Variants in AMPH observed in about 807,000 individuals in gnomAD.
AMPH encodes the protein amphiphysin, also known as amphiphysin (Stiff-Mann syndrome with breast cancer 128kD autoantigen).
In AMPH, 49 loss-of-function variants were observed where a neutral mutation model predicts 99.1. The ratio of observed to expected loss-of-function variants is 0.49; its 90% CI spans 0.39 to 0.63. AMPH has a LOEUF of 0.63. Among genes scored for constraint, AMPH ranks in the 20% least tolerant of loss-of-function variants. AMPH has a pLI of 0.00. For synonymous variants in AMPH, 314 were observed against 317.3 expected (o/e 0.99, Z 0.11); for missense variants, 759 against 863.4 (o/e 0.88, Z 1.52).
chr7:38,606,017 A>G (rs751458683), intron 1 of AMPH, among the ~76,000 whole-genome samples: 2 of 152,092 alleles, frequency 1.3e-5, no homozygotes, highest in African/African-American at 2.4e-5. Flanking sequence ...GTGTCCTTAC[A>G]TTACAAATCA....
At chr7:38,526,991 T>A (rs1790214258) in intron 2 of AMPH, among the ~76,000 whole-genome samples, 1 of 152,256 alleles carries the variant, frequency 6.6e-6, no homozygotes, top group South Asian at 2.1e-4. Flanking sequence ...GGATGCCCAG[T>A]TACTATGGCA....
At chr7:38,560,115 A>C (rs577004394) in intron 1 of AMPH, among the ~76,000 whole-genome samples, 3 of 152,320 alleles carry the variant, frequency 2.0e-5, no homozygotes, top group African/African-American at 7.2e-5. Context: ...GGTGAAGGCT[A>C]TCTCTCCACC....
chr7:38,465,478 T>G lies in AMPH; in HGVS notation c.738A>C (p.Gln246His). ...GAGCAGGGGCCTACCTGGGCGCTCC[T>G]TGGATGGTGAAGGCCTTGTCGGCGT... The part of the protein sequence containing the change: ...DQHADKAFTI[Q>H]GAPSDSGPLR... The change falls in exon 9 of 21, where the codon CAA becomes CAC. Residue 246 changes from glutamine (Q) to histidine (H), a missense_variant. Physicochemically the swap from Gln to His is conservative, Grantham distance 24. This residue lies in a region of AMPH where 554 missense variants were observed against 575.6 expected (regional missense o/e 0.96). Transcript: ENST00000356264. 2 of 1,577,874 alleles carry G rather than the reference T, an allele frequency of 1.3e-6. No individual in the cohort carries two copies. The highest frequency in any genetic ancestry group is 1.7e-6 in the Non-Finnish European group (2 of 1,159,690).
chr7:38,435,665 T>C (rs1270539696), intron 12 of AMPH, among the ~76,000 whole-genome samples: 1 of 152,074 alleles, frequency 6.6e-6, no homozygotes, highest in Non-Finnish European at 1.5e-5. Flanking sequence ...ACAGTTACTA[T>C]AAGAAAGGAA....
At chr7:38,458,088 G>A (rs1787301185) in intron 11 of AMPH, among the ~76,000 whole-genome samples, 1 of 152,024 alleles carries the variant, frequency 6.6e-6, no homozygotes, top group Non-Finnish European at 1.5e-5. Flanking sequence ...GAGGGAGGTG[G>A]GCAAAGGTAA....
rs993833024 is a variant in AMPH, at chr7:38,391,691, G to C, written c.1878+57C>G. 9 of 1,556,678 alleles carry C rather than the reference G, an allele frequency of 5.8e-6. No homozygotes were observed. In the African/African-American group the frequency reaches 1.2e-4, roughly 22 times the overall value. ...GTAAAAACTGGAAAACCAAAGGCTT[G>C]AGCAAAAGGGCCTTAAAGCAAAAAA... On this transcript the variant is annotated intron_variant, in intron 19 of 20. Coordinates refer to ENST00000356264, the MANE Select transcript of AMPH (RefSeq NM_001635.4).
chr7:38,444,472 T>G (rs991384612), intron 11 of AMPH, among the ~76,000 whole-genome samples: 1 of 152,050 alleles, frequency 6.6e-6, no homozygotes, highest in Non-Finnish European at 1.5e-5. Flanking sequence ...GAGAATGCCA[T>G]GTGAAGACAC....
chr7:38,478,566 A>G (rs1788171758), intron 5 of AMPH, among the ~76,000 whole-genome samples: 2 of 152,176 alleles, frequency 1.3e-5, no homozygotes. Context: ...AAAATTACAA[A>G]ATACACAAAA....
chr7:38,452,881 G>C lies in AMPH; in HGVS notation c.1017+8402C>G, dbSNP rs73692387. 5.1e-3 allele frequency among the ~76,000 whole-genome samples: 780 copies of C among 152,312 alleles called. 8 individuals carry two copies. Among genetic ancestry groups the C allele is most frequent in the African/African-American group, 0.018 (747 of 41,570 alleles). ...AAGTAACATAAAATGGCTATTTATA[G>C]CTACAGAGGAACAAGCCACTGAAGA... On this transcript the variant is annotated intron_variant, in intron 11 of 20. Coordinates refer to ENST00000356264, the MANE Select transcript of AMPH (RefSeq NM_001635.4).
chr7:38,597,210 T>A (rs146472458), intron 1 of AMPH, among the ~76,000 whole-genome samples: 15 of 152,318 alleles, frequency 9.8e-5, no homozygotes, highest in African/African-American at 3.4e-4. Context: ...AGATTCATAG[T>A]CATCCATTTG....
chr7:38,631,235 GC>G (rs1185881610), intron 1 of AMPH, 47 bp downstream of exon 1: 3 of 1,490,264 alleles, frequency 2.0e-6, no homozygotes, highest in African/African-American at 2.9e-5. Context: ...CTCCGGCCAA[GC>G]CCCCGCCTGG....
chr7:38,571,684 T>TA (rs142317008), intron 1 of AMPH, among the ~76,000 whole-genome samples: 41,875 of 150,488 alleles, frequency 0.28, 6,202 homozygotes, highest in Non-Finnish European at 0.33. Flanking sequence ...CTCTAAAAAT[T>TA]AAAATGTTTA....
At chr7:38,605,433 C>A (rs1584296426) in intron 1 of AMPH, among the ~76,000 whole-genome samples, 1 of 152,272 alleles carries the variant, frequency 6.6e-6, no homozygotes, top group Non-Finnish European at 1.5e-5. Flanking sequence ...ACTTCTGGAA[C>A]TTTCTAAGGC....
rs1242685800 is a variant in AMPH at position 38,534,923 on chromosome 7, G to T, written c.150+8C>A. ...TTCCCACTCCAGAAACTAAACAAAT[G>T]GACTCACTTCTTGCCGTTTGAAGTT... On this transcript the variant is annotated splice_region_variant and intron_variant, in intron 2 of 20. Transcript: ENST00000356264. The T allele has an allele frequency of 6.2e-7, 1 of 1,611,404 alleles. No individual in the cohort carries two copies. Among genetic ancestry groups the T allele is most frequent in the East Asian group, 2.2e-5 (1 of 44,812 alleles).
At chr7:38,392,859 G>C (rs1784551983) in intron 18 of AMPH, 1 of 152,332 alleles carries the variant, frequency 6.6e-6, no homozygotes, top group Non-Finnish European at 1.5e-5. Context: ...TCCTTCGCTT[G>C]TGATTATCAT....
chr7:38,463,896 G>A (rs1020744517), intron 9 of AMPH, among the ~76,000 whole-genome samples: 2 of 152,214 alleles, frequency 1.3e-5, no homozygotes, highest in African/African-American at 4.8e-5. Flanking sequence ...CGAAGAAACA[G>A]AGTCTGTACC....
chr7:38,509,802 C>T lies in AMPH; in HGVS notation c.151-6098G>A, dbSNP rs111675776. On this transcript the variant is annotated intron_variant, in intron 2 of 20. Coordinates refer to ENST00000356264, the MANE Select transcript of AMPH (RefSeq NM_001635.4). ...GGAGAGCTGACCCAAAAATCAAGGG[C>T]GACTTTAAAGGAGCCCCACTTCCAG... is the stretch of plus-strand genomic sequence containing the variant. 4.8e-4 allele frequency among the ~76,000 whole-genome samples: 73 copies of T among 152,260 alleles called. 1 individual carries two copies. In the Middle Eastern group the frequency reaches 0.027, roughly 57 times the overall value.
intron 2 of AMPH, among the ~76,000 whole-genome samples, chr7:38,520,970 T>C (rs1789934916): frequency 6.6e-6 from 1 of 152,352 alleles, no homozygotes; most frequent in East Asian, 1.9e-4. Flanking sequence ...AGCCATTTAC[T>C]TGGCTGATAA....
intron 11 of AMPH, among the ~76,000 whole-genome samples, chr7:38,438,060 C>G (rs1330908640): frequency 1.3e-5 from 2 of 152,146 alleles, no homozygotes; most frequent in Non-Finnish European, 2.9e-5. Flanking sequence ...TATTCAAAAT[C>G]TGCATAAGCT....
Sources: gnomAD v4.1 joint callset for allele counts (sites outside exome capture counted in the v4.1 genomes callset) on GRCh38, gnomAD v4.1.1 for gene constraint, gnomAD v4.1.1 regional missense constraint, MANE v1.5 for transcripts, NCBI Gene and HGNC (gene_info 2026-07-23, HGNC 2026-07-21) for gene names.